Variants in CNTN6 observed in about 807,000 individuals in gnomAD.
CNTN6 encodes contactin-6.
CNTN6 carries 137 observed loss-of-function variants against 122.8 expected under a neutral mutation model. The ratio of observed to expected loss-of-function variants is 1.12; its 90% CI spans 0.97 to 1.29. The LOEUF is 1.29. CNTN6 is among the 50% of genes most tolerant of loss of function. The pLI, the probability that CNTN6 is intolerant of heterozygous loss-of-function variation, is 0.00. For synonymous variants in CNTN6, 570 were observed against 426.0 expected (o/e 1.34, Z -4.16); for missense variants, 1,634 against 1,223.4 (o/e 1.34, Z -5.01).
chr3:1,375,682 C>A (rs1460527949), intron 16 of CNTN6, among the ~76,000 whole-genome samples: 2 of 152,056 alleles, frequency 1.3e-5, no homozygotes, highest in African/African-American at 4.8e-5. Context: ...TGATTCACAT[C>A]GCTTTTGATC....
intron 4 of CNTN6, among the ~76,000 whole-genome samples, chr3:1,269,277 G>C (rs2094982222): frequency 6.6e-6 from 1 of 152,166 alleles, no homozygotes; most frequent in Non-Finnish European, 1.5e-5. Flanking sequence ...TAGATAGTCT[G>C]ACCCTAAACT....
At chr3:1,240,992 G>A (rs1015499814) in intron 4 of CNTN6, among the ~76,000 whole-genome samples, 37 of 151,106 alleles carry the variant, frequency 2.4e-4, no homozygotes, top group African/African-American at 8.6e-4. Context: ...TCTCAAGGGT[G>A]GGGAGAATTA....
chr3:1,216,540 C>T (rs2094133238), intron 2 of CNTN6, among the ~76,000 whole-genome samples: 1 of 152,190 alleles, frequency 6.6e-6, no homozygotes, highest in South Asian at 2.1e-4. Context: ...AAAACTCACT[C>T]AAACATCTTC....
At chr3:1,261,436 C>G (rs2125708372) in intron 4 of CNTN6, among the ~76,000 whole-genome samples, 1 of 152,236 alleles carries the variant, frequency 6.6e-6, no homozygotes, top group South Asian at 2.1e-4. Context: ...TCATTATTAG[C>G]CCAGCATAGG....
chr3:1,331,154 A>G (rs1702233350), intron 11 of CNTN6, among the ~76,000 whole-genome samples: 1 of 151,946 alleles, frequency 6.6e-6, no homozygotes, highest in Non-Finnish European at 1.5e-5. Context: ...TTGAAGATCC[A>G]TTCCATTTAC....
intron 4 of CNTN6, among the ~76,000 whole-genome samples, chr3:1,245,274 T>TAC (rs1225069971): frequency 2.5e-4 from 1 of 4,008 alleles, no homozygotes; most frequent in Admixed American, 3.9e-3. Flanking sequence ...TATATATATA[T>TAC]ACACACACAT....
chr3:1,098,711 C>T (rs978236081), intron 1 of CNTN6, among the ~76,000 whole-genome samples: 26 of 143,730 alleles, frequency 1.8e-4, no homozygotes, highest in African/African-American at 6.2e-4. Context: ...TTTCACAAGA[C>T]AATTTTAGGT....
intron 4 of CNTN6, among the ~76,000 whole-genome samples, chr3:1,275,556 G>C (rs1692187449): frequency 6.6e-6 from 1 of 152,142 alleles, no homozygotes; most frequent in African/African-American, 2.4e-5. Context: ...AAAAGTTTAA[G>C]AGTCACCCCA....
At chr3:1,126,806 C>T (rs575397023) in intron 1 of CNTN6, among the ~76,000 whole-genome samples, 124 of 151,894 alleles carry the variant, frequency 8.2e-4, no homozygotes, top group Non-Finnish European at 8.1e-4. Flanking sequence ...GTCCCTTCAA[C>T]GTGATTCTTC....
rs148184194 is a variant in CNTN6, at chr3:1,223,195, G to A, written c.182+2382G>A. 2.6e-4 allele frequency among the ~76,000 whole-genome samples: 40 copies of A among 152,224 alleles called. No homozygotes were observed. The East Asian group carries it at 4.1e-3, about 15-fold the overall frequency. On this transcript the variant is annotated intron_variant, in intron 3 of 22. Coordinates refer to ENST00000446702, the MANE Select transcript of CNTN6 (RefSeq NM_001289080.2). ...TCTAACGTTATTTGAGGTTACCTGG[G>A]TATAGTGTAAAGCAACATAAAAGAA...
In CNTN6 at chr3:1,308,618, A is replaced by G. The variant is rs935687980; in HGVS notation, c.761+10627A>G. On this transcript the variant is annotated intron_variant, in intron 7 of 22. Coordinates refer to ENST00000446702, the MANE Select transcript of CNTN6 (RefSeq NM_001289080.2). ...CTATTTGTATTATGTTAAATTAAAC[A>G]TATGATCTTGTTGTTGTCTCCGACT... Among the ~76,000 whole-genome samples the G allele has an allele frequency of 3.9e-5, 6 of 151,982 alleles. No homozygotes were observed. The East Asian group carries it at 9.7e-4, about 25-fold the overall frequency.
rs1575919918 is a variant in CNTN6 at position 1,372,397 on chromosome 3, G to T, written c.1591G>T (p.Val531Leu). The change falls in exon 13 of 23, where the codon GTG becomes TTG. Residue 531 changes from valine (V) to leucine (L), a missense_variant. Physicochemically the swap from Val to Leu is conservative, Grantham distance 32. Transcript: ENST00000446702. ...CQVSHDPSIE[V>L]VFVWFFNGDV... is the part of the protein sequence containing the mutation. ...GGTGTCCCATGACCCCTCCATTGAA[G>T]TGGTATTTGTATGGTTTTTCAATGG... 1 of 1,613,362 alleles carries T rather than the reference G, an allele frequency of 6.2e-7. No homozygotes were observed. The highest frequency in any genetic ancestry group is 8.5e-7 in the Non-Finnish European group (1 of 1,179,506).
chr3:1,141,128 AT>A (rs2092599060), intron 1 of CNTN6, among the ~76,000 whole-genome samples: 2 of 152,220 alleles, frequency 1.3e-5, no homozygotes, highest in African/African-American at 4.8e-5. Flanking sequence ...TATAAAAATT[AT>A]TAAAAATCTT....
At chr3:1,193,371 A>C (rs1031066169) in intron 2 of CNTN6, among the ~76,000 whole-genome samples, 3 of 152,174 alleles carry the variant, frequency 2.0e-5, no homozygotes, top group East Asian at 3.8e-4. Context: ...GCTCAGTTCC[A>C]CCATTTGTTA....
intron 11 of CNTN6, among the ~76,000 whole-genome samples, chr3:1,344,040 G>A (rs155400): frequency 0.17 from 25,838 of 152,130 alleles, 2,550 homozygotes; most frequent in African/African-American, 0.26. Flanking sequence ...CACTGACTCC[G>A]TATCAGAAGA....
chr3:1,295,963 T>A (rs1032560635), intron 6 of CNTN6, among the ~76,000 whole-genome samples, 159 bp downstream of exon 6: 1 of 152,194 alleles, frequency 6.6e-6, no homozygotes, highest in Admixed American at 6.5e-5. Flanking sequence ...CAGAAAATTA[T>A]CTAATTCACC....
At chr3:1,377,770 G>A (rs1345630717) in intron 17 of CNTN6, among the ~76,000 whole-genome samples, 1 of 152,080 alleles carries the variant, frequency 6.6e-6, no homozygotes, top group Non-Finnish European at 1.5e-5. Context: ...CATTCACAGT[G>A]TTACCTCTGG....
At chr3:1,248,577 T>C (rs564937304) in intron 4 of CNTN6, among the ~76,000 whole-genome samples, 11 of 152,260 alleles carry the variant, frequency 7.2e-5, no homozygotes, top group African/African-American at 2.6e-4. Context: ...CTCAGCACTT[T>C]AGGAGGCCAA....
intron 5 of CNTN6, among the ~76,000 whole-genome samples, chr3:1,284,095 T>A (rs1264933004): frequency 6.6e-6 from 1 of 152,190 alleles, no homozygotes; most frequent in Non-Finnish European, 1.5e-5. Flanking sequence ...TGTTCCATTC[T>A]CTCCTCAGAT....
Sources: allele counts gnomAD v4.1 joint callset (sites outside exome capture counted in the v4.1 genomes callset), GRCh38; gene constraint gnomAD v4.1.1; transcripts MANE v1.5; gene names NCBI Gene and HGNC (gene_info 2026-07-23, HGNC 2026-07-21).